The following RBM5 variants were observed in gnomAD, a reference collection of about 807,000 sequenced individuals.
The protein encoded by RBM5 is RNA-binding protein 5.
In RBM5, 15 loss-of-function variants were observed where a neutral mutation model predicts 124.6. The ratio of observed to expected loss-of-function variants is 0.12; its 90% CI spans 0.08 to 0.19. The LOEUF (loss-of-function observed/expected upper bound fraction) is 0.19, where lower values mean the gene tolerates loss of function less well. Among genes scored for constraint, RBM5 ranks in the 10% least tolerant of loss-of-function variants. The pLI is 1.00. For missense variants in RBM5, 580 were observed against 1,026.5 expected (o/e 0.57, Z 5.94); for synonymous variants, 337 against 361.2 (o/e 0.93, Z 0.76).
intron 22 of RBM5, chr3:50,116,844 G>T: frequency 1.9e-6 from 1 of 521,026 alleles, no homozygotes; most frequent in East Asian, 3.4e-5. Flanking sequence ...ACTGCTTGTT[G>T]GAGACATAGT....
rs1360414207 is a variant in RBM5 at position 50,110,675 on chromosome 3, G to A, written c.1364-4G>A. ...TGACTGTATGCTGGATTTTGTTTTT[G>A]CAGCAGTACCTGACACGTCCACTTA... is the stretch of plus-strand genomic sequence containing the variant. On this transcript the variant is annotated splice_region_variant and splice_polypyrimidine_tract_variant and intron_variant, in intron 16 of 24. Coordinates refer to ENST00000347869, the MANE Select transcript of RBM5 (RefSeq NM_005778.4). The A allele has an allele frequency of 3.7e-6, 6 of 1,607,892 alleles. No homozygotes were observed. In the African/African-American group the frequency reaches 6.7e-5, roughly 18 times the overall value.
In RBM5 at chr3:50,115,374, A is replaced by G. The variant is rs746548665; in HGVS notation, c.1840-54A>G. The G allele has an allele frequency of 3.3e-4, 521 of 1,579,668 alleles. 1 individual carries two copies. Among genetic ancestry groups the G allele is most frequent in the Non-Finnish European group, 3.9e-4 (452 of 1,163,386 alleles). ...CATTACTTTATCCAGGTACATAGCC[A>G]CCGCCATCTTCCTATTGTACATTTC... On this transcript the variant is annotated intron_variant, in intron 20 of 24. Transcript: ENST00000347869.
At chr3:50,116,800 G>A (rs2091261128) in intron 22 of RBM5, 4 of 427,842 alleles carry the variant, frequency 9.3e-6, no homozygotes, top group Non-Finnish European at 8.7e-6. Context: ...TGGGCTGGTT[G>A]AGTAGCTTGA....
At chr3:50,090,957 T>A (rs2090691200) in intron 2 of RBM5, among the ~76,000 whole-genome samples, 1 of 152,244 alleles carries the variant, frequency 6.6e-6, no homozygotes, top group Non-Finnish European at 1.5e-5. Context: ...AGCTTGGGAC[T>A]GTGTGTTACA....
Position 50,117,894 on chromosome 3 carries a change from G to C in RBM5, c.2323-437G>C, listed in dbSNP as rs944922454. The C allele has an allele frequency of 1.7e-5, 3 of 179,512 alleles. No homozygotes were observed. The highest frequency in any genetic ancestry group is 3.6e-5 in the Non-Finnish European group (3 of 84,202). 11.1% of individuals were successfully genotyped at this position (179,512 alleles called of 1,614,324 possible). On this transcript the variant is annotated intron_variant, in intron 24 of 24. Coordinates refer to ENST00000347869, the MANE Select transcript of RBM5 (RefSeq NM_005778.4). This position sits in a 1 kb window ranked among gnomAD's most constrained non-coding sequence, Gnocchi z 4.2. ...GAGGCCCCTACCCACTGGCCTTCTA[G>C]GCAGGAGCTCCACCCGTAATTGCCC...
chr3:50,113,623 T>A (rs2091188036), intron 18 of RBM5, 79 bp downstream of exon 18: 1 of 1,418,264 alleles, frequency 7.1e-7, no homozygotes, highest in Admixed American at 2.8e-5. Context: ...TTTATGTCAG[T>A]ATTATTTGGA....
At chr3:50,091,910 TA>T in intron 2 of RBM5, 132 bp from the exon 3 acceptor site, 2 of 923,156 alleles carry the variant, frequency 2.2e-6, no homozygotes, top group Non-Finnish European at 1.7e-6. Flanking sequence ...TGGAATTTGG[TA>T]ATACTTTTTA....
Position 50,100,265 on chromosome 3 carries a change from A to G in RBM5, c.409+214A>G. On this transcript the variant is annotated intron_variant, in intron 5 of 24. Transcript: ENST00000347869. This position sits in a 1 kb window ranked among gnomAD's most constrained non-coding sequence, Gnocchi z 5.1. ...GGACTTTTTTTTCCTTAGGTAAGTA[A>G]TGATTTATAAACTCCTTTTTTTTTT... 8.6e-6 allele frequency: 5 copies of G among 578,246 alleles called. No individual in the cohort carries two copies. The South Asian group carries it at 1.3e-4, about 15-fold the overall frequency. The allele number at this position is 578,246 out of a possible 1,614,324, so 35.8% of individuals were successfully genotyped here. A position where few individuals can be genotyped will look rare whatever the true frequency, so the allele number is the denominator to read the frequency against.
At chr3:50,103,344 C>T (rs138251450) in intron 7 of RBM5, among the ~76,000 whole-genome samples, 178 bp downstream of exon 7, 156 of 152,288 alleles carry the variant, frequency 1.0e-3, no homozygotes, top group African/African-American at 3.6e-3. Flanking sequence ...CTAGAGGTTT[C>T]GTTTATTAAG....
At chr3:50,115,196 G>A (rs2091223900) in intron 20 of RBM5, 1 of 486,894 alleles carries the variant, frequency 2.1e-6, no homozygotes, top group Non-Finnish European at 3.6e-6. Context: ...TAGTCACCCA[G>A]GAATCCATTT....
Position 50,100,106 on chromosome 3 carries a change from G to T in RBM5, c.409+55G>T. ...TGTTCTCTTCCCCATTCCCACCTCAGTCCCTAAAGAACATCCTGATTCCCC... is the reference window on the plus strand; with the variant it reads ...TGTTCTCTTCCCCATTCCCACCTCATTCCCTAAAGAACATCCTGATTCCCC... On this transcript the variant is annotated intron_variant, in intron 5 of 24. Coordinates refer to ENST00000347869, the MANE Select transcript of RBM5 (RefSeq NM_005778.4). The surrounding 1 kb of genome is among the most constrained non-coding windows in gnomAD (Gnocchi z 5.1). 1.3e-6 allele frequency: 2 copies of T among 1,501,558 alleles called. No homozygotes were observed. Among genetic ancestry groups the T allele is most frequent in the Non-Finnish European group, 1.8e-6 (2 of 1,086,558 alleles). The allele number at this position is 1,501,558 out of a possible 1,614,324, so 93.0% of individuals were successfully genotyped here. A position where few individuals can be genotyped will look rare whatever the true frequency, so the allele number is the denominator to read the frequency against.
At chr3:50,093,625 G>C (rs760665020) in intron 3 of RBM5, 95 bp from the exon 4 acceptor site, 12 of 1,388,542 alleles carry the variant, frequency 8.6e-6, no homozygotes, top group Non-Finnish European at 1.2e-5. Flanking sequence ...TGTAATCTCT[G>C]TACACTTCCT....
Position 50,105,595 on chromosome 3 carries a change from C to T in RBM5, c.741C>T (p.Ile247=), listed in dbSNP as rs1320735494. The change falls in exon 10 of 25, where the codon ATC becomes ATT. Residue 247 remains isoleucine, a synonymous_variant. Coordinates refer to ENST00000347869, the MANE Select transcript of RBM5 (RefSeq NM_005778.4). ...NIAPHTVVDS[I]MTALSPYASL... is the part of the protein sequence containing the mutation. ...CTCCGCACACTGTGGTGGATTCCAT[C>T]ATGACAGCACTGTCTCCTTACGCGT... The T allele has an allele frequency of 1.9e-6, 3 of 1,614,224 alleles. No individual in the cohort carries two copies. Among genetic ancestry groups the T allele is most frequent in the Non-Finnish European group, 2.5e-6 (3 of 1,180,032 alleles).
chr3:50,104,338 G>A (rs761415784), intron 8 of RBM5, 30 bp downstream of exon 8: 1 of 1,604,788 alleles, frequency 6.2e-7, no homozygotes, highest in South Asian at 1.1e-5. Context: ...TTTGCAATAT[G>A]CATTAAAACC....
At chr3:50,093,918 A>G (rs1203024984) in intron 4 of RBM5, 43 bp downstream of exon 4, 1 of 1,568,268 alleles carries the variant, frequency 6.4e-7, no homozygotes, top group South Asian at 1.1e-5. Context: ...AGTAGGCACA[A>G]TGAACTTTGA....
chr3:50,116,104 G>T, intron 22 of RBM5, 124 bp downstream of exon 22: 1 of 895,498 alleles, frequency 1.1e-6, no homozygotes, highest in Non-Finnish European at 1.8e-6. Context: ...CTTGTCATCT[G>T]ACCATTGTAG....
At chr3:50,094,173 TTA>T in intron 4 of RBM5, 1 of 191,762 alleles carries the variant, frequency 5.2e-6, no homozygotes. Flanking sequence ...TTTTTTTTTT[TTA>T]AGACAGAGTC....
intron 8 of RBM5, chr3:50,104,610 T>A: frequency 3.2e-6 from 1 of 310,596 alleles, no homozygotes; most frequent in African/African-American, 2.1e-5. Context: ...ACCACTGCAC[T>A]CCAGCCTGGG....
At chr3:50,109,558 G>A in intron 14 of RBM5, 45 bp from the exon 15 acceptor site, 1 of 1,500,186 alleles carries the variant, frequency 6.7e-7, no homozygotes, top group East Asian at 2.3e-5. Flanking sequence ...GTTTGGGTTG[G>A]CGTTCAGTGC....
Sources: gnomAD v4.1 joint callset for allele counts (sites outside exome capture counted in the v4.1 genomes callset) on GRCh38, gnomAD v4.1.1 for gene constraint, Gnocchi (gnomAD v3.1) non-coding constraint, MANE v1.5 for transcripts, NCBI Gene and HGNC (gene_info 2026-07-23, HGNC 2026-07-21) for gene names.